FGF13: variants seen among roughly 807,000 people sequenced by gnomAD.
The protein encoded by FGF13 is fibroblast growth factor homologous factor 2.
In FGF13, 2 loss-of-function variants were observed where a neutral mutation model predicts 19.5. The ratio of observed to expected loss-of-function variants is 0.10; its 90% CI spans 0.04 to 0.32. The LOEUF (loss-of-function observed/expected upper bound fraction) is 0.32, where lower values mean the gene tolerates loss of function less well. Among genes scored for constraint, FGF13 ranks in the 10% least tolerant of loss-of-function variants. The pLI is 1.00. For synonymous variants in FGF13, 72 were observed against 76.9 expected (o/e 0.94, Z 0.33); for missense variants, 113 against 192.7 (o/e 0.59, Z 2.45).
intron 1 of FGF13, among the ~76,000 whole-genome samples, chrX:139,054,156 G>A (rs375813516): frequency 2.4e-4 from 18 of 74,735 alleles, no homozygotes; most frequent in East Asian, 2.4e-3. Context: ...ATGGAGTCTC[G>A]CTCTCGCCCA....
intron 1 of FGF13, among the ~76,000 whole-genome samples, chrX:139,028,688 A>AGTGTGTGTGT (rs781223523): frequency 0.021 from 1,678 of 80,668 alleles, 72 homozygotes; most frequent in East Asian, 0.076. Context: ...TGTGAAAGAC[A>AGTGTGTGTGT]GTGTGTGTGT....
At chrX:138,697,480 G>A (rs912602143) in intron 3 of FGF13, among the ~76,000 whole-genome samples, 1 of 109,273 alleles carries the variant, frequency 9.2e-6, no homozygotes, top group African/African-American at 3.3e-5. Flanking sequence ...GTTTGCTATG[G>A]TAGTCCCAGG....
intron 3 of FGF13, among the ~76,000 whole-genome samples, chrX:138,828,762 T>C (rs2091052343): frequency 9.1e-6 from 1 of 109,436 alleles, no homozygotes. Flanking sequence ...GAAGGTTCCA[T>C]TTACTTTGTA....
intron 1 of FGF13, among the ~76,000 whole-genome samples, chrX:139,161,585 A>G (rs1471506367): frequency 1.8e-5 from 2 of 112,070 alleles, no homozygotes; most frequent in Non-Finnish European, 3.8e-5. Context: ...AAGTGTATTT[A>G]AATAGGAAGA....
chrX:138,630,388 C>CTGAT lies in FGF13; in HGVS notation c.*2458_*2461dup, dbSNP rs1356319177. The CTGAT allele has an allele frequency of 1.8e-5, 2 of 111,116 alleles. No homozygotes were observed. Among genetic ancestry groups the CTGAT allele is most frequent in the South Asian group, 3.8e-4 (1 of 2,607 alleles). 9.2% of individuals were successfully genotyped at this position (111,116 alleles called of 1,213,427 possible). ...GGAGACAATGCACTACTTTTCCCTA[C>CTGAT]TGATTGAAAATTAGTAAGAGTTAAT... On this transcript the variant is annotated 3_prime_UTR_variant, in exon 5 of 5. Transcript: ENST00000315930.
chrX:139,071,188 T>C (rs1444340992), intron 1 of FGF13, among the ~76,000 whole-genome samples: 1 of 112,092 alleles, frequency 8.9e-6, no homozygotes, highest in East Asian at 2.8e-4. Flanking sequence ...GTAATTTATC[T>C]ATACTTATTA....
intron 1 of FGF13, among the ~76,000 whole-genome samples, chrX:138,726,454 G>C (rs145643905): frequency 0.031 from 3,519 of 112,232 alleles, 69 homozygotes; most frequent in Middle Eastern, 0.093. Flanking sequence ...TAGGGTAATT[G>C]GGAGAACTAA....
At chrX:138,671,087 G>A (rs1002292580) in intron 3 of FGF13, among the ~76,000 whole-genome samples, 2 of 110,576 alleles carry the variant, frequency 1.8e-5, no homozygotes, top group African/African-American at 6.6e-5. Flanking sequence ...TCATCATAAA[G>A]TATATTTAAA....
intron 3 of FGF13, among the ~76,000 whole-genome samples, chrX:138,696,444 A>G (rs1345707067): frequency 8.9e-6 from 1 of 111,930 alleles, no homozygotes; most frequent in Admixed American, 9.5e-5. Context: ...TATACTAAAA[A>G]CAACTGAATT....
intron 1 of FGF13, among the ~76,000 whole-genome samples, chrX:139,060,924 C>A (rs1445881667): frequency 9.0e-6 from 1 of 110,761 alleles, no homozygotes; most frequent in Non-Finnish European, 1.9e-5. Flanking sequence ...GTCCTTCTGT[C>A]CCTATTTTCC....
intron 1 of FGF13, among the ~76,000 whole-genome samples, chrX:138,721,269 T>C (rs1602745655): frequency 8.9e-6 from 1 of 111,830 alleles, no homozygotes; most frequent in Non-Finnish European, 1.9e-5. Flanking sequence ...AAATTAAAGA[T>C]TGTGTGAAAA....
chrX:139,078,726 C>G (rs1355336968), intron 1 of FGF13, among the ~76,000 whole-genome samples: 1 of 112,586 alleles, frequency 8.9e-6, no homozygotes, highest in Non-Finnish European at 1.9e-5. Context: ...AATGGCAAAT[C>G]AATCTGCTCA....
Position 139,059,068 on chromosome X carries a change from T to C in FGF13, c.-113+144348A>G, listed in dbSNP as rs999055496. Among the ~76,000 whole-genome samples the C allele has an allele frequency of 4.5e-5, 5 of 111,796 alleles. 1 individual carries two copies. Among genetic ancestry groups the C allele is most frequent in the Middle Eastern group, 9.3e-3 (2 of 216 alleles). ...GGAGAAAGAAAAAAGTCTTTTAGTATCACTTTCATTATTATTATGGCCCAA... is the reference window on the plus strand; with the variant it reads ...GGAGAAAGAAAAAAGTCTTTTAGTACCACTTTCATTATTATTATGGCCCAA... On this transcript the variant is annotated intron_variant, in intron 1 of 2. Coordinates refer to the FGF13 transcript ENST00000421460.
intron 3 of FGF13, among the ~76,000 whole-genome samples, chrX:138,775,641 A>T (rs777775140): frequency 8.9e-6 from 1 of 112,226 alleles, no homozygotes; most frequent in Non-Finnish European, 1.9e-5. Flanking sequence ...CTAAAAAAAT[A>T]TAACCCAGTT....
intron 1 of FGF13, among the ~76,000 whole-genome samples, chrX:138,909,212 G>A (rs1260300614): frequency 8.9e-6 from 1 of 111,876 alleles, no homozygotes; most frequent in African/African-American, 3.3e-5. Context: ...CCCGGGGATG[G>A]AGATAATGAT....
chrX:139,040,133 T>G (rs2092264175), intron 1 of FGF13, among the ~76,000 whole-genome samples: 1 of 111,968 alleles, frequency 8.9e-6, no homozygotes, highest in Non-Finnish European at 1.9e-5. Context: ...TTTTATCCCA[T>G]TTAATCCTCA....
chrX:138,745,853 A>G (rs2090351662), intron 3 of FGF13, among the ~76,000 whole-genome samples: 1 of 111,651 alleles, frequency 9.0e-6, no homozygotes, highest in Non-Finnish European at 1.9e-5. Flanking sequence ...GAAGGCAATC[A>G]GTGCCATCTT....
intron 3 of FGF13, among the ~76,000 whole-genome samples, chrX:138,777,782 G>A (rs2090599662): frequency 9.0e-6 from 1 of 111,398 alleles, no homozygotes; most frequent in Non-Finnish European, 1.9e-5. Context: ...TCTCAATGGA[G>A]TGACTTCTTG....
chrX:138,831,533 G>T (rs764097898), intron 3 of FGF13, among the ~76,000 whole-genome samples: 1 of 111,814 alleles, frequency 8.9e-6, no homozygotes, highest in East Asian at 2.8e-4. Context: ...TAAATTTAAT[G>T]ATGTTTTCCC....
Sources: gnomAD v4.1 joint callset for allele counts (sites outside exome capture counted in the v4.1 genomes callset) on GRCh38, gnomAD v4.1.1 for gene constraint, MANE v1.5 for transcripts, NCBI Gene and HGNC (gene_info 2026-07-23, HGNC 2026-07-21) for gene names.